IGF2R: variants seen among roughly 807,000 people sequenced by gnomAD.
IGF2R encodes insulin like growth factor 2 receptor.
In IGF2R, 91 loss-of-function variants were observed where a neutral mutation model predicts 270.6. That is an observed-to-expected ratio of 0.34 (90% CI 0.28 to 0.40). IGF2R has a LOEUF of 0.40. Ranked by LOEUF, IGF2R falls within the 10% of genes least tolerant of loss-of-function variation. The pLI, the probability that IGF2R is intolerant of heterozygous loss-of-function variation, is 1.00. For synonymous variants in IGF2R, 1,316 were observed against 1,258.9 expected (o/e 1.05, Z -0.96); for missense variants, 2,805 against 3,188.3 (o/e 0.88, Z 2.90).
intron 4 of IGF2R, among the ~76,000 whole-genome samples, chr6:160,012,905 G>A (rs1316676894): frequency 6.6e-6 from 1 of 151,726 alleles, no homozygotes; most frequent in Admixed American, 6.6e-5. Flanking sequence ...GGGATTACAG[G>A]AGTGAGCCCC....
At chr6:160,001,763 A>G (rs1280016462) in intron 2 of IGF2R, among the ~76,000 whole-genome samples, 2 of 152,254 alleles carry the variant, frequency 1.3e-5, no homozygotes, top group Non-Finnish European at 2.9e-5. Flanking sequence ...AATATTACAT[A>G]TGTGAATCTT....
intron 29 of IGF2R, among the ~76,000 whole-genome samples, chr6:160,065,924 C>G (rs753884191): frequency 6.7e-6 from 1 of 148,376 alleles, no homozygotes; most frequent in Non-Finnish European, 1.5e-5. Flanking sequence ...CTGCAACCTC[C>G]TCCTCCCTGG....
intron 1 of IGF2R, among the ~76,000 whole-genome samples, chr6:159,976,150 G>A (rs1348277016): frequency 6.6e-6 from 1 of 151,970 alleles, no homozygotes; most frequent in Non-Finnish European, 1.5e-5. Flanking sequence ...ATATCATCGG[G>A]GAGGACTTTT....
In IGF2R at chr6:160,110,485, T is replaced by G. The variant is rs1779720130; in HGVS notation, c.*5401T>G. The G allele has an allele frequency of 6.6e-6, 1 of 152,236 alleles. No individual in the cohort carries two copies. The highest frequency in any genetic ancestry group is 2.1e-4 in the South Asian group (1 of 4,834). 9.4% of individuals were successfully genotyped at this position (152,236 alleles called of 1,614,324 possible). A position where few individuals can be genotyped will look rare whatever the true frequency, so the allele number is the denominator to read the frequency against. ...AACACTTGTCCACCTTTGGTGAGAATGTAAATTGGTATAGCCATTATGGAA... is the reference window on the plus strand; with the variant it reads ...AACACTTGTCCACCTTTGGTGAGAAGGTAAATTGGTATAGCCATTATGGAA... On this transcript the variant is annotated 3_prime_UTR_variant, in exon 48 of 48. Coordinates refer to ENST00000356956, the MANE Select transcript of IGF2R (RefSeq NM_000876.4).
At chr6:160,104,336 C>T (rs781391486) in intron 47 of IGF2R, among the ~76,000 whole-genome samples, 7 of 151,866 alleles carry the variant, frequency 4.6e-5, no homozygotes, top group Non-Finnish European at 7.4e-5. Context: ...GCCCCTTCTC[C>T]CCCAGCTGCG....
chr6:160,044,433 T>TTTC (rs2115245756), intron 12 of IGF2R, 81 bp from the exon 13 acceptor site: 1 of 849,824 alleles, frequency 1.2e-6, no homozygotes, highest in African/African-American at 2.1e-5. Context: ...TCTTTCTTTC[T>TTTC]TTTTTTTTTA....
rs886400603 is a variant in IGF2R, at chr6:160,104,816, A to T, written c.7208A>T (p.His2403Leu). The change falls in exon 48 of 48, where the codon CAT (histidine) becomes CTT (leucine). Residue 2403 changes from histidine to leucine, a missense_variant. This residue lies in a region of IGF2R where 1,851 missense variants were observed against 2,207.2 expected (regional missense o/e 0.84). Coordinates refer to ENST00000356956, the MANE Select transcript of IGF2R (RefSeq NM_000876.4). ...TCAGTGAAAGCCCTCAGCTCCCTGC[A>T]TGGGGATGACCAGGACAGTGAGGAT... ...TKSVKALSSL[H>L]GDDQDSEDEV... 6.2e-7 allele frequency: 1 copy of T among 1,614,208 alleles called. No homozygotes were observed. Among genetic ancestry groups the T allele is most frequent in the Admixed American group, 1.7e-5 (1 of 60,028 alleles).
At chr6:160,070,222 A>G (rs762768525) in intron 31 of IGF2R, among the ~76,000 whole-genome samples, 164 bp downstream of exon 31, 1 of 152,180 alleles carries the variant, frequency 6.6e-6, no homozygotes, top group Non-Finnish European at 1.5e-5. Context: ...CGCGGCCTGC[A>G]ATCTGGGGAA....
chr6:160,057,147 G>A (rs1441995836), intron 20 of IGF2R, among the ~76,000 whole-genome samples: 1 of 151,962 alleles, frequency 6.6e-6, no homozygotes, highest in East Asian at 1.9e-4. Flanking sequence ...GTCTCACCGT[G>A]GCCCTGTGCA....
intron 10 of IGF2R, among the ~76,000 whole-genome samples, chr6:160,035,962 G>T (rs951978471): frequency 7.2e-5 from 11 of 152,190 alleles, no homozygotes; most frequent in African/African-American, 2.7e-4. Flanking sequence ...TCCCGTGTTG[G>T]GGTGGCTTTA....
intron 39 of IGF2R, among the ~76,000 whole-genome samples, chr6:160,081,657 C>A (rs778888993): frequency 2.6e-5 from 4 of 152,208 alleles, no homozygotes; most frequent in Non-Finnish European, 5.9e-5. Context: ...AAGGCAGACA[C>A]CCCTAGAGTG....
At chr6:159,988,906 T>C (rs1396797814) in intron 1 of IGF2R, among the ~76,000 whole-genome samples, 1 of 152,120 alleles carries the variant, frequency 6.6e-6, no homozygotes, top group Non-Finnish European at 1.5e-5. Context: ...TGAATAAAGG[T>C]TAACGAAGGG....
chr6:160,105,014 A>G lies in IGF2R; in HGVS notation c.7406A>G (p.Gln2469Arg), dbSNP rs757845384. Residue 2469 changes from glutamine to arginine, a missense_variant, in exon 48 of 48, where the codon CAG becomes CGG. By Grantham distance (43) the Gln-to-Arg change is conservative. This residue lies in a region of IGF2R where 1,851 missense variants were observed against 2,207.2 expected (regional missense o/e 0.84). Transcript: ENST00000356956. ...ARKGKSSSAQ[Q>R]KTVSSTKLVS... is the part of the protein sequence containing the mutation. ...AAAGGGAAGTCCAGCTCTGCACAGCAGAAGACAGTGAGCTCCACCAAGCTG... is the reference window on the plus strand; with the variant it reads ...AAAGGGAAGTCCAGCTCTGCACAGCGGAAGACAGTGAGCTCCACCAAGCTG... The G allele has an allele frequency of 4.3e-6, 7 of 1,613,548 alleles. No homozygotes were observed. Among genetic ancestry groups the G allele is most frequent in the Non-Finnish European group, 5.9e-6 (7 of 1,179,784 alleles).
chr6:159,976,265 G>T (rs1322575558), intron 1 of IGF2R, among the ~76,000 whole-genome samples: 1 of 151,984 alleles, frequency 6.6e-6, no homozygotes, highest in East Asian at 1.9e-4. Context: ...TATTTTCCTA[G>T]AAAATTGTCA....
intron 1 of IGF2R, among the ~76,000 whole-genome samples, chr6:159,984,099 T>G (rs1389183813): frequency 6.6e-6 from 1 of 152,240 alleles, no homozygotes; most frequent in Non-Finnish European, 1.5e-5. Context: ...TCACAGCTTT[T>G]TCATAGAGGC....
At chr6:159,987,495 G>A (rs902244732) in intron 1 of IGF2R, among the ~76,000 whole-genome samples, 3 of 152,126 alleles carry the variant, frequency 2.0e-5, no homozygotes, top group South Asian at 2.1e-4. Flanking sequence ...AGGTTCAAGC[G>A]ATACTCCTGC....
intron 19 of IGF2R, among the ~76,000 whole-genome samples, chr6:160,055,213 C>T (rs1158671249): frequency 6.6e-6 from 1 of 152,190 alleles, no homozygotes; most frequent in Non-Finnish European, 1.5e-5. Flanking sequence ...CCAGTTCAGC[C>T]TGCTGGTCTG....
intron 4 of IGF2R, among the ~76,000 whole-genome samples, chr6:160,019,309 A>C (rs1777376954): frequency 6.6e-6 from 1 of 151,976 alleles, no homozygotes; most frequent in African/African-American, 2.4e-5. Context: ...AAAACAAAAC[A>C]AACAAAACAA....
chr6:160,101,964 C>T (rs376718732), intron 45 of IGF2R, among the ~76,000 whole-genome samples: 12 of 152,262 alleles, frequency 7.9e-5, no homozygotes, highest in African/African-American at 2.6e-4. Context: ...AGAGGAGACC[C>T]GTCGGGGGCT....
Sources: gnomAD v4.1 joint callset for allele counts (sites outside exome capture counted in the v4.1 genomes callset) on GRCh38, gnomAD v4.1.1 for gene constraint, gnomAD v4.1.1 regional missense constraint, MANE v1.5 for transcripts, NCBI Gene and HGNC (gene_info 2026-07-23, HGNC 2026-07-21) for gene names.